The following CRYL1 variants were observed in gnomAD, a reference collection of about 807,000 sequenced individuals.
CRYL1 encodes lambda-crystallin homolog.
A neutral mutation model predicts 36.6 loss-of-function variants in CRYL1; 29 were observed. That is an observed-to-expected ratio of 0.79 (90% CI 0.59 to 1.08). The LOEUF is 1.08. Ranked by LOEUF, CRYL1 falls within the 50% of genes least tolerant of loss-of-function variation. The pLI is 0.00. For missense variants in CRYL1, 411 were observed against 407.9 expected, an observed-to-expected ratio of 1.01 and a Z score of -0.06; for synonymous variants, 152 against 151.5, an observed-to-expected ratio of 1.00 and a Z score of -0.02.
In CRYL1 at chr13:20,425,314, G is replaced by A. The variant is rs73441799; in HGVS notation, c.633+6788C>T. On this transcript the variant is annotated intron_variant, in intron 5 of 7. Coordinates refer to ENST00000298248, the MANE Select transcript of CRYL1 (RefSeq NM_015974.3). The surrounding 1 kb of genome is among the most constrained non-coding windows in gnomAD (Gnocchi z 4.4). The stretch of plus-strand genomic sequence containing the variant: ...TGAAACGATGATGGAGCCCAGTTCT[G>A]CTCCTCCTTGGAGTGCCCGCTTTGT... 0.017 allele frequency among the ~76,000 whole-genome samples: 2,610 copies of A among 152,308 alleles called. 71 individuals are homozygous for A. Among genetic ancestry groups the A allele is most frequent in the African/African-American group, 0.057 (2,365 of 41,546 alleles).
intron 2 of CRYL1, among the ~76,000 whole-genome samples, chr13:20,500,460 G>A (rs1183327651): frequency 6.6e-6 from 1 of 152,164 alleles, no homozygotes; most frequent in Non-Finnish European, 1.5e-5. Context: ...TGACTAAAAT[G>A]GCCTTGAGAG....
intron 6 of CRYL1, among the ~76,000 whole-genome samples, chr13:20,409,010 A>C (rs1187754499): frequency 6.6e-6 from 1 of 152,206 alleles, no homozygotes; most frequent in Non-Finnish European, 1.5e-5. Flanking sequence ...TTTAAAGTTC[A>C]TATGGAACCA....
At chr13:20,440,957 T>C (rs2032338184) in intron 3 of CRYL1, among the ~76,000 whole-genome samples, 1 of 151,720 alleles carries the variant, frequency 6.6e-6, no homozygotes, top group African/African-American at 2.4e-5. Flanking sequence ...CCCTGCCACA[T>C]GAGGATGAAG....
In CRYL1 at chr13:20,437,113, G is replaced by C. The variant is rs556670096; in HGVS notation, c.438+2480C>G. 6.6e-5 allele frequency among the ~76,000 whole-genome samples: 10 copies of C among 152,096 alleles called. No individual in the cohort carries two copies. In the South Asian group the frequency reaches 2.1e-3, roughly 32 times the overall value. ...GAAGTTCAAGGCTGCAGTGAGCTTT[G>C]ATGGCACCACTGCTCTCCAGCCTGG... On this transcript the variant is annotated intron_variant, in intron 4 of 7. Transcript: ENST00000298248.
At chr13:20,521,744 A>AAT (rs2034101563) in intron 1 of CRYL1, among the ~76,000 whole-genome samples, 1 of 152,228 alleles carries the variant, frequency 6.6e-6, no homozygotes, top group South Asian at 2.1e-4. Flanking sequence ...CTTCAATTCT[A>AAT]TCATTAATGT....
At chr13:20,515,481 A>G (rs2033983777) in intron 1 of CRYL1, among the ~76,000 whole-genome samples, 2 of 152,200 alleles carry the variant, frequency 1.3e-5, no homozygotes, top group Admixed American at 1.3e-4. Flanking sequence ...ACTTAAATTT[A>G]GTTGAGTAGA....
At chr13:20,434,397 A>G (rs190605189) in intron 4 of CRYL1, among the ~76,000 whole-genome samples, 1 of 152,288 alleles carries the variant, frequency 6.6e-6, no homozygotes, top group Non-Finnish European at 1.5e-5. Flanking sequence ...GGCTCTGTAA[A>G]ACGCACCAAT....
chr13:20,431,313 A>G, intron 5 of CRYL1: 1 of 985,396 alleles, frequency 1.0e-6, no homozygotes, highest in Non-Finnish European at 1.2e-6. Flanking sequence ...CGTCCTCCCT[A>G]CGCGGTGCAG....
chr13:20,443,326 G>GA (rs1010443031), intron 3 of CRYL1, among the ~76,000 whole-genome samples: 199 of 151,370 alleles, frequency 1.3e-3, no homozygotes, highest in African/African-American at 4.5e-3. Flanking sequence ...TTTTCATGGT[G>GA]AAAAAAAAAT....
chr13:20,418,760 C>T (rs959380060), intron 5 of CRYL1: 3 of 152,218 alleles, frequency 2.0e-5, no homozygotes, highest in African/African-American at 7.2e-5. Flanking sequence ...ACTACAATAA[C>T]TTTACTACTA....
In CRYL1 at chr13:20,522,651, G is replaced by A. The variant is rs868797616; in HGVS notation, c.41+3103C>T. Among the ~76,000 whole-genome samples, 7 of 152,242 alleles carry A rather than the reference G, an allele frequency of 4.6e-5. No individual in the cohort carries two copies. In the South Asian group the frequency reaches 6.2e-4, roughly 14 times the overall value. Reference sequence around the variant, plus strand: ...AGCAGAACTTTTCCTGGAGGAGACAGTCCCTGAGCTTGATCCTGAAAGAGT... The same window carrying A: ...AGCAGAACTTTTCCTGGAGGAGACAATCCCTGAGCTTGATCCTGAAAGAGT... On this transcript the variant is annotated intron_variant, in intron 1 of 7. Coordinates refer to ENST00000298248, the MANE Select transcript of CRYL1 (RefSeq NM_015974.3).
chr13:20,474,594 G>A (rs1424935329), intron 3 of CRYL1, among the ~76,000 whole-genome samples: 2 of 152,168 alleles, frequency 1.3e-5, no homozygotes, highest in African/African-American at 4.8e-5. Flanking sequence ...AGTATTTCAA[G>A]GGACAGCTTG....
At chr13:20,478,249 T>C (rs1280004138) in intron 3 of CRYL1, among the ~76,000 whole-genome samples, 1 of 152,198 alleles carries the variant, frequency 6.6e-6, no homozygotes, top group African/African-American at 2.4e-5. Flanking sequence ...TTAGCTTATA[T>C]TTATATTTTC....
chr13:20,491,350 A>G (rs751163475), intron 2 of CRYL1, among the ~76,000 whole-genome samples: 18 of 152,202 alleles, frequency 1.2e-4, no homozygotes, highest in Admixed American at 9.2e-4. Context: ...TTGGACAATT[A>G]TAAGGACAAA....
intron 2 of CRYL1, among the ~76,000 whole-genome samples, chr13:20,504,386 C>A (rs1174838785): frequency 6.9e-6 from 1 of 145,194 alleles, no homozygotes; most frequent in East Asian, 2.1e-4. Context: ...TCACTGCAAT[C>A]TCTGCCTCCC....
chr13:20,465,490 C>T (rs2032914147), intron 3 of CRYL1, among the ~76,000 whole-genome samples: 2 of 152,184 alleles, frequency 1.3e-5, no homozygotes, highest in Admixed American at 6.5e-5. Flanking sequence ...TTAGGTTTCA[C>T]TTTCTCCACT....
At chr13:20,520,618 C>T (rs1469708201) in intron 1 of CRYL1, among the ~76,000 whole-genome samples, 2 of 152,186 alleles carry the variant, frequency 1.3e-5, no homozygotes, top group Admixed American at 1.3e-4. Flanking sequence ...AGAGGACCAA[C>T]AGCAGACCGC....
At chr13:20,485,411 C>T (rs1011490451) in intron 3 of CRYL1, among the ~76,000 whole-genome samples, 1 of 151,990 alleles carries the variant, frequency 6.6e-6, no homozygotes, top group Non-Finnish European at 1.5e-5. Flanking sequence ...GCCTGTAATC[C>T]CAGGACTTTG....
chr13:20,509,195 CA>C lies in CRYL1; in HGVS notation c.149+3247del, dbSNP rs1221695401. Among the ~76,000 whole-genome samples, 991 of 103,242 alleles carry C rather than the reference CA, an allele frequency of 9.6e-3. 4 individuals carry two copies. Among genetic ancestry groups the C allele is most frequent in the Middle Eastern group, 0.042 (8 of 190 alleles). 67.7% of individuals were successfully genotyped at this position (103,242 alleles called of 152,430 possible). ...GGCAACAAGAGCAAAACTCAATCCC[CA>C]AAAAAAAAAAAAAAAAATTGATTCA... On this transcript the variant is annotated intron_variant, in intron 2 of 7. Transcript: ENST00000298248.
Sources: gnomAD v4.1 joint callset for allele counts (sites outside exome capture counted in the v4.1 genomes callset) on GRCh38, gnomAD v4.1.1 for gene constraint, Gnocchi (gnomAD v3.1) non-coding constraint, MANE v1.5 for transcripts, NCBI Gene and HGNC (gene_info 2026-07-23, HGNC 2026-07-21) for gene names.